Variants in ZNF727 observed in about 807,000 individuals in gnomAD.
ZNF727 encodes the protein putative zinc finger protein 727.
In ZNF727, 11 loss-of-function variants were observed where a neutral mutation model predicts 11.5. The observed-to-expected ratio is 0.95, with a 90% CI of 0.60 to 1.58. The LOEUF (loss-of-function observed/expected upper bound fraction) is 1.58. Among genes scored for constraint, ZNF727 ranks in the 40% most tolerant of loss-of-function variants. The pLI is 0.00. For missense variants in ZNF727, 533 were observed against 581.7 expected, an observed-to-expected ratio of 0.92 and a Z score of 0.86; for synonymous variants, 171 against 196.1, an observed-to-expected ratio of 0.87 and a Z score of 1.07.
intron 3 of ZNF727, among the ~76,000 whole-genome samples, chr7:64,072,217 T>C (rs546889089): frequency 2.0e-5 from 3 of 152,268 alleles, no homozygotes; most frequent in African/African-American, 7.2e-5. Flanking sequence ...GTCAGTTAGC[T>C]GATAGAATCT....
At position 64,082,499 on chromosome 7, in the gene ZNF727, C is replaced by G. The variant is rs1785808938; in HGVS notation, c.*3950C>G. Reference sequence around the variant, plus strand: ...GGGAGGTATAGACCGGTTTCCAGCCCCAAAGCAACTGTAGGAGGTAGCTGG... The same window carrying G: ...GGGAGGTATAGACCGGTTTCCAGCCGCAAAGCAACTGTAGGAGGTAGCTGG... On this transcript the variant is annotated 3_prime_UTR_variant, in exon 4 of 4. Transcript: ENST00000456806. Among the ~76,000 whole-genome samples the G allele has an allele frequency of 6.6e-6, 1 of 152,180 alleles. No individual in the cohort carries two copies. The highest frequency in any genetic ancestry group is 1.5e-5 in the Non-Finnish European group (1 of 68,030).
At position 64,077,318 on chromosome 7, in the gene ZNF727, A is replaced by G; in HGVS notation, c.269A>G (p.Asp90Gly). 6.5e-7 allele frequency: 1 copy of G among 1,550,068 alleles called. No homozygotes were observed. ...HFTAEILLEH[D>G]INDSFQKVIL... ...ACTGCAGAGATATTGCTGGAGCACG[A>G]CATAAACGATTCATTTCAAAAAGTG... Residue 90 changes from aspartate to glycine, a missense_variant, in exon 4 of 4, where the codon GAC (aspartate) becomes GGC (glycine). Asp to Gly is a moderately conservative substitution (Grantham distance 94). Transcript: ENST00000456806.
At chr7:64,073,499 AT>A (rs1789995570) in intron 3 of ZNF727, among the ~76,000 whole-genome samples, 1 of 151,582 alleles carries the variant, frequency 6.6e-6, no homozygotes, top group Non-Finnish European at 1.5e-5. Flanking sequence ...TAGTATCATT[AT>A]TTTGACATCT....
In ZNF727 at chr7:64,050,776, ATGTGTGTG is replaced by A. The variant is rs10609208; in HGVS notation, c.3+5182_3+5189del. On this transcript the variant is annotated intron_variant, in intron 1 of 3. Transcript: ENST00000456806. ...TATGTGTGTGTATGTATGCATATGT[ATGTGTGTG>A]TGTGTGTGTGTGTGTGTGTGTGTGT... 2.2e-3 allele frequency among the ~76,000 whole-genome samples: 322 copies of A among 148,448 alleles called. 3 individuals are homozygous for A. Among genetic ancestry groups the A allele is most frequent in the African/African-American group, 6.3e-3 (253 of 40,474 alleles).
chr7:64,077,716 A>G lies in ZNF727; in HGVS notation c.667A>G (p.Thr223Ala), dbSNP rs1785700270. ...SNLTEHNRVH[T>A]GKKPYKCEEC... ...CCTTACTGAACATAATAGAGTTCATACTGGAAAGAAACCCTACAAATGTGA... is the reference window on the plus strand; with the variant it reads ...CCTTACTGAACATAATAGAGTTCATGCTGGAAAGAAACCCTACAAATGTGA... The change falls in exon 4 of 4, where the codon ACT (threonine) becomes GCT (alanine). Residue 223 changes from threonine (T) to alanine (A), a missense_variant. This residue lies in a region of ZNF727 where 463 missense variants were observed against 494.5 expected (regional missense o/e 0.94). Coordinates refer to ENST00000456806, the MANE Select transcript of ZNF727 (RefSeq NM_001159522.3). The G allele has an allele frequency of 1.3e-6, 2 of 1,580,298 alleles. No homozygotes were observed. The highest frequency in any genetic ancestry group is 2.3e-5 in the South Asian group (2 of 86,972).
chr7:64,085,116 A>G lies in ZNF727; in HGVS notation c.*6567A>G, dbSNP rs560898887. ...AATTTCAGAAAACATTATTTGTACT[A>G]TCCCCTCAGAGATTATGAAAGTGAC... On this transcript the variant is annotated 3_prime_UTR_variant, in exon 4 of 4. Transcript: ENST00000456806. Among the ~76,000 whole-genome samples the G allele has an allele frequency of 1.9e-4, 29 of 152,300 alleles. No individual in the cohort carries two copies. The highest frequency in any genetic ancestry group is 6.5e-4 in the African/African-American group (27 of 41,582).
chr7:64,085,293 T>C lies in ZNF727; in HGVS notation c.*6744T>C, dbSNP rs1584163040. ...CATTTAGTTATTGATCATTTTACTT[T>C]GTAAAATTGATATAATTGATTTTAT... is the stretch of plus-strand genomic sequence containing the variant. On this transcript the variant is annotated 3_prime_UTR_variant, in exon 4 of 4. Coordinates refer to ENST00000456806, the MANE Select transcript of ZNF727 (RefSeq NM_001159522.3). Among the ~76,000 whole-genome samples, 1 of 152,320 alleles carries C rather than the reference T, an allele frequency of 6.6e-6. No homozygotes were observed. The highest frequency in any genetic ancestry group is 2.1e-4 in the South Asian group (1 of 4,830).
chr7:64,056,809 G>A (rs1426759053), intron 1 of ZNF727, among the ~76,000 whole-genome samples: 1 of 151,794 alleles, frequency 6.6e-6, no homozygotes, highest in Non-Finnish European at 1.5e-5. Flanking sequence ...GCCTTTCTAG[G>A]GCCACCTAAA....
Position 64,079,829 on chromosome 7 carries a change from A to G in ZNF727, c.*1280A>G, listed in dbSNP as rs188212506. On this transcript the variant is annotated 3_prime_UTR_variant, in exon 4 of 4. Coordinates refer to ENST00000456806, the MANE Select transcript of ZNF727 (RefSeq NM_001159522.3). ...TTTTCTTATTTAGGGCTTTCTTCAG[A>G]AGATCTTTTAAGGCAGGTCTTGTGG... Among the ~76,000 whole-genome samples, 1 of 152,274 alleles carries G rather than the reference A, an allele frequency of 6.6e-6. No homozygotes were observed. The highest frequency in any genetic ancestry group is 1.5e-5 in the Non-Finnish European group (1 of 68,026).
rs1263438225 is a variant in ZNF727 at position 64,078,479 on chromosome 7, A to G, written c.1430A>G (p.Asp477Gly). 4 of 1,566,272 alleles carry G rather than the reference A, an allele frequency of 2.6e-6. No homozygotes were observed. Among genetic ancestry groups the G allele is most frequent in the African/African-American group, 1.4e-5 (1 of 73,284 alleles). Residue 477 changes from aspartate (D) to glycine (G), a missense_variant, in exon 4 of 4, where the codon GAC (aspartate) becomes GGC (glycine). Transcript: ENST00000456806. ...AAACACAAGAGAAGTCATACTGGAG[A>G]CAGACCTACAAGTGCAAAGAATGTG... ...LIKHKRSHTG[D>G]RPTSAKNVAK...
At chr7:64,053,302 GT>G (rs940266946) in intron 1 of ZNF727, among the ~76,000 whole-genome samples, 6 of 151,394 alleles carry the variant, frequency 4.0e-5, no homozygotes, top group African/African-American at 1.5e-4. Context: ...GATCTGATAG[GT>G]TTTTTGTTGT....
chr7:64,083,859 T>G lies in ZNF727; in HGVS notation c.*5310T>G, dbSNP rs1349836451. On this transcript the variant is annotated 3_prime_UTR_variant, in exon 4 of 4. Coordinates refer to ENST00000456806, the MANE Select transcript of ZNF727 (RefSeq NM_001159522.3). Reference sequence around the variant, plus strand: ...ACCTGGATGTTTCAGTTGAAGGTGCTGTATCTATGCACACCTTGCATTCTT... The same window carrying G: ...ACCTGGATGTTTCAGTTGAAGGTGCGGTATCTATGCACACCTTGCATTCTT... Among the ~76,000 whole-genome samples, 1 of 152,206 alleles carries G rather than the reference T, an allele frequency of 6.6e-6. No individual in the cohort carries two copies. Among genetic ancestry groups the G allele is most frequent in the Admixed American group, 6.5e-5 (1 of 15,286 alleles).
At chr7:64,046,242 C>T (rs1225600394) in intron 1 of ZNF727, among the ~76,000 whole-genome samples, 1 of 151,996 alleles carries the variant, frequency 6.6e-6, no homozygotes, top group African/African-American at 2.4e-5. Context: ...TGTTGCTCAG[C>T]CTGGTCTCGA....
chr7:64,061,861 CTATTA>C (rs1789776745), intron 1 of ZNF727, among the ~76,000 whole-genome samples: 1 of 99,894 alleles, frequency 1.0e-5, no homozygotes, highest in South Asian at 3.0e-4. Context: ...GTATGTGTGT[CTATTA>C]TAAGTTTTTT....
At chr7:64,068,770 C>G in intron 1 of ZNF727, 121 bp from the exon 2 acceptor site, 1 of 1,143,130 alleles carries the variant, frequency 8.7e-7, no homozygotes, top group Non-Finnish European at 1.2e-6. Flanking sequence ...TAGAAAGTAT[C>G]CTATTGGATA....
intron 1 of ZNF727, among the ~76,000 whole-genome samples, chr7:64,049,297 C>A (rs1479041315): frequency 1.3e-5 from 2 of 151,364 alleles, no homozygotes; most frequent in Admixed American, 1.3e-4. Context: ...TTGAATTTAC[C>A]TCATTTTCTT....
intron 3 of ZNF727, among the ~76,000 whole-genome samples, chr7:64,071,929 C>T (rs761637064): frequency 8.6e-5 from 13 of 152,016 alleles, no homozygotes; most frequent in Non-Finnish European, 1.3e-4. Context: ...CATTCTGCTC[C>T]ACTGATATCG....
intron 3 of ZNF727, among the ~76,000 whole-genome samples, chr7:64,076,337 G>A (rs996454697): frequency 3.3e-5 from 5 of 152,092 alleles, no homozygotes; most frequent in Admixed American, 1.3e-4. Flanking sequence ...AGGGTCAGGC[G>A]TGGTGGCTCA....
At chr7:64,046,978 G>GTT (rs201543485) in intron 1 of ZNF727, among the ~76,000 whole-genome samples, 9,450 of 147,960 alleles carry the variant, frequency 0.064, 356 homozygotes, top group African/African-American at 0.094. Context: ...TAAGTTTTGT[G>GTT]TTTTTTTTTT....
Sources: allele counts gnomAD v4.1 joint callset (sites outside exome capture counted in the v4.1 genomes callset), GRCh38; gene constraint gnomAD v4.1.1; regional missense constraint gnomAD v4.1.1; transcripts MANE v1.5; gene names NCBI Gene and HGNC (gene_info 2026-07-23, HGNC 2026-07-21).